KDM1B: variants seen among roughly 807,000 people sequenced by gnomAD.
KDM1B encodes lysine-specific histone demethylase 2.
Under a neutral mutation model 107.4 loss-of-function variants are expected in KDM1B, and 63 were observed. The observed-to-expected ratio is 0.59, with a 90% CI of 0.48 to 0.72. The LOEUF (loss-of-function observed/expected upper bound fraction) is 0.72. Among genes scored for constraint, KDM1B ranks in the 30% least tolerant of loss-of-function variants. The pLI is 0.00. For missense variants in KDM1B, 749 were observed against 1,020.8 expected, an observed-to-expected ratio of 0.73 and a Z score of 3.63; for synonymous variants, 363 against 363.9, an observed-to-expected ratio of 1.00 and a Z score of 0.03.
intron 20 of KDM1B, 29 bp downstream of exon 20, chr6:18,215,158 G>C: frequency 6.2e-7 from 1 of 1,602,336 alleles, no homozygotes; most frequent in Non-Finnish European, 8.5e-7. Flanking sequence ...TCCTTGAAAG[G>C]GGCAAGCCGT....
chr6:18,174,833 T>A (rs1017154933), intron 7 of KDM1B, among the ~76,000 whole-genome samples: 1 of 152,232 alleles, frequency 6.6e-6, no homozygotes, highest in African/African-American at 2.4e-5. Context: ...CATATATATA[T>A]GTGTATGTAT....
chr6:18,165,128 A>ATTTTTTTTTT (rs35906579), intron 5 of KDM1B, among the ~76,000 whole-genome samples: 8 of 81,568 alleles, frequency 9.8e-5, no homozygotes, highest in East Asian at 4.2e-4. Context: ...GCCTTCTCTG[A>ATTTTTTTTTT]TTTTTTTTTT....
At chr6:18,182,510 T>C (rs2150888364) in intron 7 of KDM1B, among the ~76,000 whole-genome samples, 1 of 152,294 alleles carries the variant, frequency 6.6e-6, no homozygotes, top group East Asian at 1.9e-4. Context: ...TGTAAGTATA[T>C]AAAGAGCTCT....
intron 12 of KDM1B, among the ~76,000 whole-genome samples, chr6:18,198,972 C>T (rs1787849743): frequency 8.6e-6 from 1 of 116,598 alleles, no homozygotes; most frequent in African/African-American, 3.3e-5. Flanking sequence ...AGTTTGAGAT[C>T]AGCCTGGGCA....
chr6:18,197,194 G>A lies in KDM1B; in HGVS notation c.1107G>A (p.Val369=). The stretch of plus-strand genomic sequence containing the variant: ...TCATCAACACTGGAGTTCTCAGCGT[G>A]GGAGCCGACCAGTATCTTCTCCCTA... ...KGLINTGVLS[V]GADQYLLPKD... The change falls in exon 11 of 22, where the codon GTG becomes GTA. Residue 369 remains valine, a synonymous_variant. Coordinates refer to ENST00000650836, the MANE Select transcript of KDM1B (RefSeq NM_001364614.2). The surrounding 1 kb of genome is among the most constrained non-coding windows in gnomAD (Gnocchi z 4.5). The A allele has an allele frequency of 6.2e-7, 1 of 1,614,098 alleles. No homozygotes were observed. Among genetic ancestry groups the A allele is most frequent in the South Asian group, 1.1e-5 (1 of 91,072 alleles).
chr6:18,175,270 G>C (rs947908047), intron 7 of KDM1B, among the ~76,000 whole-genome samples: 1 of 152,168 alleles, frequency 6.6e-6, no homozygotes, highest in African/African-American at 2.4e-5. Flanking sequence ...ATGTTTGTTG[G>C]CCATTTATAT....
rs978549387 is a variant in KDM1B at position 18,200,237 on chromosome 6, C to T, written c.1222-202C>T. On this transcript the variant is annotated intron_variant, in intron 12 of 21. Coordinates refer to ENST00000650836, the MANE Select transcript of KDM1B (RefSeq NM_001364614.2). This position sits in a 1 kb window ranked among gnomAD's most constrained non-coding sequence, Gnocchi z 4.3. ...TTCAACAGACCACTCAGTTTTTCCTCGCTAGAGTCTAGATGGATTGTTTTG... is the reference window on the plus strand; with the variant it reads ...TTCAACAGACCACTCAGTTTTTCCTTGCTAGAGTCTAGATGGATTGTTTTG... Among the ~76,000 whole-genome samples the T allele has an allele frequency of 4.9e-4, 74 of 152,172 alleles. No individual in the cohort carries two copies. Among genetic ancestry groups the T allele is most frequent in the Non-Finnish European group, 1.5e-4 (10 of 68,032 alleles).
intron 3 of KDM1B, among the ~76,000 whole-genome samples, chr6:18,161,107 CA>C (rs1185211161): frequency 6.6e-6 from 1 of 152,094 alleles, no homozygotes; most frequent in Non-Finnish European, 1.5e-5. Flanking sequence ...TTTGCTTAGA[CA>C]TCTGTTGTTA....
chr6:18,156,409 G>T (rs1457409313), intron 2 of KDM1B, among the ~76,000 whole-genome samples: 1 of 152,152 alleles, frequency 6.6e-6, no homozygotes, highest in Non-Finnish European at 1.5e-5. Flanking sequence ...GTCCACTCCA[G>T]TTGGGGAATC....
Position 18,162,562 on chromosome 6 carries a change from G to C in KDM1B, c.216-273G>C, listed in dbSNP as rs546210205. On this transcript the variant is annotated intron_variant, in intron 4 of 21. Coordinates refer to ENST00000650836, the MANE Select transcript of KDM1B (RefSeq NM_001364614.2). This position sits in a 1 kb window ranked among gnomAD's most constrained non-coding sequence, Gnocchi z 4.1. The stretch of plus-strand genomic sequence containing the variant: ...CAAGCACAGTGGCATCTGTCCTTTT[G>C]TGTCATAAAACCCTATCATTGCCCC... Among the ~76,000 whole-genome samples the C allele has an allele frequency of 6.6e-6, 1 of 152,174 alleles. No individual in the cohort carries two copies. Among genetic ancestry groups the C allele is most frequent in the East Asian group, 1.9e-4 (1 of 5,166 alleles).
At chr6:18,183,822 A>T (rs1314100759) in intron 7 of KDM1B, among the ~76,000 whole-genome samples, 1 of 151,942 alleles carries the variant, frequency 6.6e-6, no homozygotes, top group Non-Finnish European at 1.5e-5. Context: ...TGGTGTGTGT[A>T]TTCTCGTGTT....
At chr6:18,196,109 C>A (rs1787633148) in intron 10 of KDM1B, among the ~76,000 whole-genome samples, 1 of 152,154 alleles carries the variant, frequency 6.6e-6, no homozygotes, top group Non-Finnish European at 1.5e-5. Flanking sequence ...TGGTTTATTT[C>A]ACTTAACATA....
At chr6:18,169,157 C>T (rs1029404370) in intron 6 of KDM1B, among the ~76,000 whole-genome samples, 4 of 151,818 alleles carry the variant, frequency 2.6e-5, no homozygotes, top group Admixed American at 6.6e-5. Context: ...CAGATGTGAG[C>T]CACCTCGCCC....
chr6:18,208,605 A>G (rs13210184), intron 17 of KDM1B, among the ~76,000 whole-genome samples: 813 of 10,978 alleles, frequency 0.074, 36 homozygotes, highest in Admixed American at 0.086. Context: ...ATGTGTATGT[A>G]TATATATATA....
At chr6:18,173,431 AT>A (rs1291684819) in intron 7 of KDM1B, among the ~76,000 whole-genome samples, 9 of 151,708 alleles carry the variant, frequency 5.9e-5, no homozygotes, top group African/African-American at 1.5e-4. Context: ...TATTTTGAAT[AT>A]TTTTTCCCCC....
At chr6:18,178,306 G>C (rs180889491) in intron 7 of KDM1B, among the ~76,000 whole-genome samples, 1 of 152,018 alleles carries the variant, frequency 6.6e-6, no homozygotes, top group Non-Finnish European at 1.5e-5. Context: ...GGCTGGTCTC[G>C]AACTCCTGAA....
At chr6:18,219,540 CT>C (rs958457269) in intron 21 of KDM1B, among the ~76,000 whole-genome samples, 1 of 151,978 alleles carries the variant, frequency 6.6e-6, no homozygotes, top group Non-Finnish European at 1.5e-5. Context: ...CAGAATGTTC[CT>C]TTTTTGTAGC....
At chr6:18,220,776 C>CTT (rs777242091) in intron 21 of KDM1B, among the ~76,000 whole-genome samples, 47 of 142,492 alleles carry the variant, frequency 3.3e-4, no homozygotes, top group African/African-American at 1.8e-4. Flanking sequence ...TCACCTTTTC[C>CTT]TTTTTTTTTT....
Position 18,205,715 on chromosome 6 carries a change from C to T in KDM1B, c.1659+51C>T, listed in dbSNP as rs866698613. ...TGCTTTGAAAATACTTGGTTTAGGC[C>T]GGGCGCAGTGGCTCACGCCTGTAAT... On this transcript the variant is annotated intron_variant, in intron 15 of 21. Transcript: ENST00000650836. The surrounding 1 kb of genome is among the most constrained non-coding windows in gnomAD (Gnocchi z 5.7). 1.9e-5 allele frequency: 27 copies of T among 1,440,850 alleles called. No homozygotes were observed. The highest frequency in any genetic ancestry group is 1.9e-4 in the Middle Eastern group (1 of 5,220). 89.3% of individuals were successfully genotyped at this position (1,440,850 alleles called of 1,614,324 possible).
Sources: gnomAD v4.1 joint callset for allele counts (sites outside exome capture counted in the v4.1 genomes callset) on GRCh38, gnomAD v4.1.1 for gene constraint, Gnocchi (gnomAD v3.1) non-coding constraint, MANE v1.5 for transcripts, NCBI Gene and HGNC (gene_info 2026-07-23, HGNC 2026-07-21) for gene names.